ELF1: variants seen among roughly 807,000 people sequenced by gnomAD.
ELF1 encodes the protein E74 like ETS transcription factor 1, also known as ETS-related transcription factor Elf-1.
ELF1 carries 24 observed loss-of-function variants against 59.9 expected under a neutral mutation model. The observed-to-expected ratio is 0.40, with a 90% CI of 0.29 to 0.56. The LOEUF is 0.56. Ranked by LOEUF, ELF1 falls within the 20% of genes least tolerant of loss-of-function variation. ELF1 has a pLI of 0.44. For synonymous variants in ELF1, 248 were observed against 266.2 expected, an observed-to-expected ratio of 0.93 and a Z score of 0.67; for missense variants, 627 against 742.2, an observed-to-expected ratio of 0.84 and a Z score of 1.80.
chr13:41,010,124 G>T (rs1183852486), intron 1 of ELF1, among the ~76,000 whole-genome samples: 3 of 149,686 alleles, frequency 2.0e-5, no homozygotes, highest in Non-Finnish European at 4.4e-5. Context: ...ACATGCTTTG[G>T]GCCAAGCATG....
At chr13:40,962,453 T>C (rs1593365123) in intron 2 of ELF1, among the ~76,000 whole-genome samples, 1 of 151,310 alleles carries the variant, frequency 6.6e-6, no homozygotes, top group South Asian at 2.1e-4. Flanking sequence ...GAGGGCAAGG[T>C]GGGTGGATCA....
intron 1 of ELF1, among the ~76,000 whole-genome samples, chr13:41,016,603 T>G (rs1008294288): frequency 6.6e-6 from 1 of 151,996 alleles, no homozygotes; most frequent in Non-Finnish European, 1.5e-5. Flanking sequence ...CATTAAACAA[T>G]ATTTGCCCTC....
intron 2 of ELF1, among the ~76,000 whole-genome samples, chr13:40,959,445 G>A (rs538035153): frequency 7.2e-5 from 11 of 152,086 alleles, no homozygotes; most frequent in African/African-American, 1.4e-4. Flanking sequence ...GCAGTGAGCC[G>A]AGATCGCACC....
intron 1 of ELF1, among the ~76,000 whole-genome samples, chr13:41,033,685 A>G (rs746456020): frequency 2.6e-5 from 4 of 152,190 alleles, no homozygotes; most frequent in Non-Finnish European, 5.9e-5. Context: ...CGTGCTCCTT[A>G]TGAGAATCTA....
chr13:40,987,909 A>C (rs1248849275), intron 1 of ELF1, among the ~76,000 whole-genome samples: 1 of 152,230 alleles, frequency 6.6e-6, no homozygotes, highest in Non-Finnish European at 1.5e-5. Flanking sequence ...TCATGGTAAG[A>C]AATGCAATAT....
chr13:40,964,065 C>A (rs1872023367), intron 2 of ELF1, among the ~76,000 whole-genome samples: 1 of 152,284 alleles, frequency 6.6e-6, no homozygotes, highest in African/African-American at 2.4e-5. Flanking sequence ...GAAACTCCAG[C>A]TGCTGATCTG....
At chr13:40,967,750 T>A (rs995919384) in intron 2 of ELF1, among the ~76,000 whole-genome samples, 1 of 151,536 alleles carries the variant, frequency 6.6e-6, no homozygotes, top group Non-Finnish European at 1.5e-5. Context: ...TGCCACCATG[T>A]CTGGCTAATT....
At chr13:41,042,637 C>T (rs1018042698) in intron 1 of ELF1, among the ~76,000 whole-genome samples, 1 of 152,136 alleles carries the variant, frequency 6.6e-6, no homozygotes, top group African/African-American at 2.4e-5. Context: ...AGGACATGAA[C>T]TCATCCTTTT....
At chr13:40,954,765 G>A (rs1398836228) in intron 3 of ELF1, among the ~76,000 whole-genome samples, 1 of 150,894 alleles carries the variant, frequency 6.6e-6, no homozygotes. Flanking sequence ...TGGTGCCCAG[G>A]CTGGAGTGCA....
chr13:40,934,036 G>A lies in ELF1; in HGVS notation c.1257-8C>T, dbSNP rs770451571. 2.7e-5 allele frequency: 43 copies of A among 1,590,896 alleles called. No homozygotes were observed. The highest frequency in any genetic ancestry group is 3.5e-5 in the Admixed American group (2 of 56,836). ...GTTGGAGCCTGTATAGTCCTATTGAGATGATGAAATTAAAGTGAGACAATT... is the reference window on the plus strand; with the variant it reads ...GTTGGAGCCTGTATAGTCCTATTGAAATGATGAAATTAAAGTGAGACAATT... On this transcript the variant is annotated splice_region_variant and splice_polypyrimidine_tract_variant and intron_variant, in intron 8 of 8. Coordinates refer to ENST00000239882, the MANE Select transcript of ELF1 (RefSeq NM_172373.4).
Position 40,978,070 on chromosome 13 carries a change from CAT to C in ELF1, c.72+3911_72+3912del, listed in dbSNP as rs202064256. ...ACTGCAGATGGACTGAGGAGCCAAA[CAT>C]ATGAAAGATACTAGAAGAAAATGTA... is the stretch of plus-strand genomic sequence containing the variant. On this transcript the variant is annotated intron_variant, in intron 2 of 8. Coordinates refer to ENST00000239882, the MANE Select transcript of ELF1 (RefSeq NM_172373.4). Among the ~76,000 whole-genome samples, 105 of 152,194 alleles carry C rather than the reference CAT, an allele frequency of 6.9e-4. No homozygotes were observed. In the East Asian group the frequency reaches 0.019, roughly 28 times the overall value.
chr13:41,004,785 A>G (rs1874649757), intron 1 of ELF1, among the ~76,000 whole-genome samples: 1 of 152,190 alleles, frequency 6.6e-6, no homozygotes, highest in South Asian at 2.1e-4. Context: ...AAATGTCACA[A>G]AAGTAAATAC....
intron 1 of ELF1, among the ~76,000 whole-genome samples, chr13:41,010,558 C>G (rs575642260): frequency 6.8e-6 from 1 of 148,130 alleles, no homozygotes; most frequent in South Asian, 2.1e-4. Flanking sequence ...GAAAACTAAT[C>G]TAGTTTATCT....
intron 1 of ELF1, among the ~76,000 whole-genome samples, chr13:41,057,073 C>T (rs1010815351): frequency 2.0e-5 from 3 of 151,844 alleles, no homozygotes; most frequent in African/African-American, 7.3e-5. Context: ...AGCTGAAATG[C>T]AGTAATTGCT....
At chr13:40,951,173 T>C (rs1870822417) in intron 4 of ELF1, among the ~76,000 whole-genome samples, 156 bp downstream of exon 4, 1 of 152,314 alleles carries the variant, frequency 6.6e-6, no homozygotes, top group South Asian at 2.1e-4. Context: ...TAACTCTACG[T>C]TTTTGCAAAG....
chr13:41,056,246 ATATAAATGGAATAAAAATG>A (rs1877283875), intron 1 of ELF1, among the ~76,000 whole-genome samples: 1 of 152,208 alleles, frequency 6.6e-6, no homozygotes, highest in South Asian at 2.1e-4. Flanking sequence ...TGGATATTTC[ATATAAATGGAATAAAAATG>A]TGGTCTTTCA....
At chr13:41,006,904 C>T (rs566195668) in intron 1 of ELF1, among the ~76,000 whole-genome samples, 1 of 152,210 alleles carries the variant, frequency 6.6e-6, no homozygotes, top group African/African-American at 2.4e-5. Flanking sequence ...ACTTTATGTA[C>T]ATAGCATGCT....
intron 1 of ELF1, among the ~76,000 whole-genome samples, chr13:41,040,992 A>C (rs1175501416): frequency 6.6e-6 from 1 of 152,200 alleles, no homozygotes; most frequent in East Asian, 1.9e-4. Context: ...AACCTATTTT[A>C]GATAGAGTGA....
At chr13:40,981,957 A>C in intron 2 of ELF1, 26 bp downstream of exon 2, 2 of 1,596,456 alleles carry the variant, frequency 1.3e-6, no homozygotes, top group Non-Finnish European at 8.5e-7. Context: ...AAGTCATTAA[A>C]ATGAAATTTT....
Sources: allele counts gnomAD v4.1 joint callset (sites outside exome capture counted in the v4.1 genomes callset), GRCh38; gene constraint gnomAD v4.1.1; transcripts MANE v1.5; gene names NCBI Gene and HGNC (gene_info 2026-07-23, HGNC 2026-07-21).